The following NUMB variants were observed in gnomAD, a reference collection of about 807,000 sequenced individuals.
NUMB encodes the protein NUMB endocytic adaptor protein, also known as protein numb homolog.
A neutral mutation model predicts 59.7 loss-of-function variants in NUMB; 29 were observed. That is an observed-to-expected ratio of 0.49 (90% CI 0.36 to 0.66). The LOEUF (loss-of-function observed/expected upper bound fraction) is 0.66, where lower values mean the gene tolerates loss of function less well. NUMB is among the 30% of genes least tolerant of loss of function. The pLI is 0.00. For synonymous variants in NUMB, 288 were observed against 288.2 expected (o/e 1.00, Z 0.01); for missense variants, 723 against 822.0 (o/e 0.88, Z 1.47).
chr14:73,419,900 C>G (rs1003763190), intron 1 of NUMB, among the ~76,000 whole-genome samples: 6 of 152,202 alleles, frequency 3.9e-5, no homozygotes, highest in African/African-American at 1.4e-4. Flanking sequence ...GAGTCTTGCC[C>G]TGTCGCCCAG....
At chr14:73,416,920 T>A (rs1897148650) in intron 1 of NUMB, among the ~76,000 whole-genome samples, 1 of 151,530 alleles carries the variant, frequency 6.6e-6, no homozygotes, top group Non-Finnish European at 1.5e-5. Flanking sequence ...CCCCTTATCC[T>A]GTACCCATTG....
chr14:73,372,792 T>C (rs1894776352), intron 2 of NUMB, among the ~76,000 whole-genome samples: 1 of 152,156 alleles, frequency 6.6e-6, no homozygotes, highest in African/African-American at 2.4e-5. Context: ...ATATTCATTG[T>C]ATTATATATC....
intron 1 of NUMB, among the ~76,000 whole-genome samples, chr14:73,431,148 G>T (rs887174541): frequency 2.0e-5 from 3 of 151,542 alleles, no homozygotes; most frequent in African/African-American, 7.3e-5. Flanking sequence ...GTAGAGATGG[G>T]GTTTCACCAT....
chr14:73,408,888 AAAAAG>A (rs1246427887), intron 2 of NUMB, among the ~76,000 whole-genome samples: 11 of 150,770 alleles, frequency 7.3e-5, no homozygotes, highest in African/African-American at 2.4e-4. Flanking sequence ...AAAAAAAAAA[AAAAAG>A]AAAGAAAGAA....
chr14:73,422,627 A>C (rs1043728513), intron 1 of NUMB, among the ~76,000 whole-genome samples: 16 of 152,052 alleles, frequency 1.1e-4, no homozygotes, highest in Non-Finnish European at 2.2e-4. Flanking sequence ...GAAGCTTACA[A>C]TCATAGTGGA....
In NUMB at chr14:73,339,451, C is replaced by CT. The variant is rs371507181; in HGVS notation, c.126+16174dup. Among the ~76,000 whole-genome samples, 409 of 152,328 alleles carry CT rather than the reference C, an allele frequency of 2.7e-3. 4 individuals are homozygous for CT. The highest frequency in any genetic ancestry group is 9.3e-3 in the African/African-American group (388 of 41,572). On this transcript the variant is annotated intron_variant, in intron 4 of 12. Transcript: ENST00000555238. ...TGCCATTCCTTCTGCTTACAACCTA[C>CT]TTCCCTCAGGCAACCTGAAATGCTT...
At chr14:73,307,934 C>G (rs749583932) in intron 6 of NUMB, among the ~76,000 whole-genome samples, 2 of 151,882 alleles carry the variant, frequency 1.3e-5, no homozygotes, top group Non-Finnish European at 2.9e-5. Flanking sequence ...GGGGTTTCAC[C>G]GTGTTAGCCA....
chr14:73,308,668 A>C (rs1405542974), intron 6 of NUMB, among the ~76,000 whole-genome samples: 1 of 152,204 alleles, frequency 6.6e-6, no homozygotes, highest in Non-Finnish European at 1.5e-5. Flanking sequence ...TATAAATTTC[A>C]AAACCATCAG....
At chr14:73,305,448 C>T (rs1890376782) in intron 6 of NUMB, among the ~76,000 whole-genome samples, 1 of 151,676 alleles carries the variant, frequency 6.6e-6, no homozygotes. Context: ...TTTTAAGGTG[C>T]CATCCAACTC....
At chr14:73,446,129 TG>T (rs11299634) in intron 1 of NUMB, among the ~76,000 whole-genome samples, 7,722 of 151,674 alleles carry the variant, frequency 0.051, 637 homozygotes, top group African/African-American at 0.18. Context: ...CCCGAGTAGC[TG>T]GGACTATAAG....
chr14:73,385,163 A>AT (rs748421990), intron 2 of NUMB, among the ~76,000 whole-genome samples: 4 of 151,640 alleles, frequency 2.6e-5, no homozygotes, highest in Non-Finnish European at 4.4e-5. Flanking sequence ...CTGAAGTTTT[A>AT]TTTTATTTTA....
chr14:73,380,764 A>G (rs1378370848), intron 2 of NUMB, among the ~76,000 whole-genome samples: 1 of 139,728 alleles, frequency 7.2e-6, no homozygotes, highest in East Asian at 2.1e-4. Flanking sequence ...TTGTTCTGTC[A>G]CCCAGGCTGG....
intron 1 of NUMB, among the ~76,000 whole-genome samples, chr14:73,450,478 A>G (rs575241166): frequency 4.6e-5 from 7 of 152,334 alleles, no homozygotes; most frequent in African/African-American, 1.4e-4. Context: ...GGAGGAAAAA[A>G]AAGTTTTATC....
Position 73,336,515 on chromosome 14 carries a change from T to G in NUMB, c.127-13311A>C, listed in dbSNP as rs77159846. ...AAAGGAACATGTTAAACAAAATGAGTTTTGGGCATTCTCATCTTGCTAAGC... is the reference window on the plus strand; with the variant it reads ...AAAGGAACATGTTAAACAAAATGAGGTTTGGGCATTCTCATCTTGCTAAGC... On this transcript the variant is annotated intron_variant, in intron 4 of 12. Coordinates refer to ENST00000555238, the MANE Select transcript of NUMB (RefSeq NM_001005743.2). 4.6e-3 allele frequency among the ~76,000 whole-genome samples: 697 copies of G among 151,744 alleles called. 4 individuals are homozygous for G. The highest frequency in any genetic ancestry group is 0.016 in the African/African-American group (675 of 41,346).
intron 8 of NUMB, among the ~76,000 whole-genome samples, chr14:73,291,403 C>T (rs925065171): frequency 3.4e-5 from 5 of 146,672 alleles, no homozygotes; most frequent in African/African-American, 5.1e-5. Context: ...ATTTTTGAGA[C>T]GGAGTCTTAC....
Position 73,279,334 on chromosome 14 carries a change from G to C in NUMB, c.1187C>G (p.Pro396Arg). The C allele has an allele frequency of 6.2e-7, 1 of 1,613,966 alleles. No individual in the cohort carries two copies. The highest frequency in any genetic ancestry group is 8.5e-7 in the Non-Finnish European group (1 of 1,179,884). Reference protein sequence around the residue: ...PVAMPVRETNPWAHAPDAANK... With the variant: ...PVAMPVRETNRWAHAPDAANK... The stretch of plus-strand genomic sequence containing the variant: ...AGCAGCATCAGGGGCATGGGCCCAA[G>C]GGTTGGTTTCACGCACAGGCATTGC... Residue 396 changes from proline (P) to arginine (R), a missense_variant, in exon 12 of 13, where the codon CCT (proline) becomes CGT (arginine). Pro to Arg is a moderately radical substitution (Grantham distance 103). This residue lies in a region of NUMB where 406 missense variants were observed against 385.4 expected (regional missense o/e 1.05). Transcript: ENST00000555238.
chr14:73,389,532 C>A (rs758006984), intron 2 of NUMB, among the ~76,000 whole-genome samples: 2 of 151,876 alleles, frequency 1.3e-5, no homozygotes, highest in South Asian at 4.2e-4. Context: ...CTGTGTTAGC[C>A]AGGATGATCT....
chr14:73,447,531 G>C (rs1883605193), intron 1 of NUMB, among the ~76,000 whole-genome samples: 1 of 151,296 alleles, frequency 6.6e-6, no homozygotes, highest in Non-Finnish European at 1.5e-5. Flanking sequence ...GAGTATTACA[G>C]AAAGATACTA....
intron 4 of NUMB, among the ~76,000 whole-genome samples, chr14:73,325,760 G>A (rs1262155440): frequency 1.3e-5 from 2 of 152,214 alleles, no homozygotes; most frequent in East Asian, 3.9e-4. Flanking sequence ...CTCAGAGAGA[G>A]TACAGGAGTC....
Sources: gnomAD v4.1 joint callset for allele counts (sites outside exome capture counted in the v4.1 genomes callset) on GRCh38, gnomAD v4.1.1 for gene constraint, gnomAD v4.1.1 regional missense constraint, MANE v1.5 for transcripts, NCBI Gene and HGNC (gene_info 2026-07-23, HGNC 2026-07-21) for gene names.